Variants in SIT1 observed in about 807,000 individuals in gnomAD.
SIT1 encodes the protein signaling threshold regulating transmembrane adaptor 1.
SIT1 carries 19 observed loss-of-function variants against 23.5 expected under a neutral mutation model. The ratio of observed to expected loss-of-function variants is 0.81; its 90% CI spans 0.56 to 1.19. SIT1 has a LOEUF of 1.19. Among genes scored for constraint, SIT1 ranks in the 50% most tolerant of loss-of-function variants. The pLI is 0.00. For synonymous variants in SIT1, 114 were observed against 109.1 expected (o/e 1.04, Z -0.28); for missense variants, 213 against 254.9 (o/e 0.84, Z 1.12).
chr9:35,649,443 T>A lies in SIT1; in HGVS notation c.*405A>T, dbSNP rs1823437429. 6.0e-6 allele frequency: 1 copy of A among 168,006 alleles called. No individual in the cohort carries two copies. Among genetic ancestry groups the A allele is most frequent in the African/African-American group, 2.4e-5 (1 of 42,098 alleles). 10.4% of individuals were successfully genotyped at this position (168,006 alleles called of 1,614,324 possible). ...TCCAGGTCCACTCCAGTCTGTGGAC[T>A]CCTGAGGAATATACCCACCCACCCA... is the stretch of plus-strand genomic sequence containing the variant. On this transcript the variant is annotated 3_prime_UTR_variant, in exon 5 of 5. Transcript: ENST00000259608.
In SIT1 at chr9:35,649,901, G is replaced by C. The variant is rs1444475903; in HGVS notation, c.538C>G (p.Arg180Gly). Residue 180 changes from arginine (R) to glycine (G), a missense_variant, in exon 5 of 5, where the codon CGG (arginine) becomes GGG (glycine). Physicochemically the swap from Arg to Gly is moderately radical, Grantham distance 125. Coordinates refer to ENST00000259608, the MANE Select transcript of SIT1 (RefSeq NM_014450.3). The part of the protein sequence containing the change: ...ASVCAQTRRA[R>G]ASFPDQAYAN... The stretch of plus-strand genomic sequence containing the variant: ...TAGGCCTGATCCGGGAAGGAGGCCC[G>C]GGCCCTGCGGGTCTGGGCACATACT... 3 of 1,584,016 alleles carry C rather than the reference G, an allele frequency of 1.9e-6. No individual in the cohort carries two copies. Among genetic ancestry groups the C allele is most frequent in the Non-Finnish European group, 8.6e-7 (1 of 1,165,774 alleles).
Position 35,650,060 on chromosome 9 carries a change from A to G in SIT1, c.379T>C (p.Tyr127His). The G allele has an allele frequency of 6.2e-7, 1 of 1,601,530 alleles. No homozygotes were observed. ...PARAAEEVMCYTSLQLRPPQG... is the reference protein window; with the variant it reads ...PARAAEEVMCHTSLQLRPPQG... ...GGAGGCCGCAGCTGCAGGCTGGTATAGCACATCACCTCCTCTGCAGCCTGG... is the reference window on the plus strand; with the variant it reads ...GGAGGCCGCAGCTGCAGGCTGGTATGGCACATCACCTCCTCTGCAGCCTGG... Residue 127 changes from tyrosine to histidine, a missense_variant, in exon 5 of 5, where the codon TAT becomes CAT. By Grantham distance (83) the Tyr-to-His change is moderately conservative. Transcript: ENST00000259608. The surrounding 1 kb of genome is among the most constrained non-coding windows in gnomAD (Gnocchi z 4.8).
Position 35,650,027 on chromosome 9 carries a change from G to A in SIT1, c.412C>T (p.Arg138Trp), listed in dbSNP as rs200583247. The A allele has an allele frequency of 3.0e-5, 48 of 1,587,174 alleles. No individual in the cohort carries two copies. In the East Asian group the frequency reaches 4.1e-4, roughly 14 times the overall value. The change falls in exon 5 of 5, where the codon CGG becomes TGG. Residue 138 changes from arginine to tryptophan, a missense_variant. Arg to Trp is a moderately radical substitution (Grantham distance 101). Transcript: ENST00000259608. This position sits in a 1 kb window ranked among gnomAD's most constrained non-coding sequence, Gnocchi z 4.8. ...TSLQLRPPQG[R>W]IPGPGTPVKY... Reference sequence around the variant, plus strand: ...ACGGGGGTTCCAGGACCGGGGATCCGACCCTGAGGAGGCCGCAGCTGCAGG... The same window carrying A: ...ACGGGGGTTCCAGGACCGGGGATCCAACCCTGAGGAGGCCGCAGCTGCAGG...
chr9:35,650,359 G>A lies in SIT1; in HGVS notation c.293C>T (p.Thr98Ile), dbSNP rs1404843728. ...CCTCCTCTCTGCCAGCTCCCTACCT[G>A]TCTGTAGATAATGCAGGTTCCCATA... The part of the protein sequence containing the change: ...PLYGNLHYLQ[T>I]GRLSQDPEPD... Residue 98 changes from threonine (T) to isoleucine (I), a missense_variant and splice_region_variant, in exon 3 of 5, where the codon ACA (threonine) becomes ATA (isoleucine). Coordinates refer to ENST00000259608, the MANE Select transcript of SIT1 (RefSeq NM_014450.3). This position sits in a 1 kb window ranked among gnomAD's most constrained non-coding sequence, Gnocchi z 4.8. 1.7e-5 allele frequency: 27 copies of A among 1,614,030 alleles called. No homozygotes were observed. The highest frequency in any genetic ancestry group is 2.2e-5 in the Non-Finnish European group (26 of 1,179,980).
Position 35,650,518 on chromosome 9 carries a change from G to GGCTCCT in SIT1, c.214_219dup (p.Arg72_Ser73dup). 1 of 1,613,992 alleles carries GGCTCCT rather than the reference G, an allele frequency of 6.2e-7. No homozygotes were observed. The highest frequency in any genetic ancestry group is 2.2e-5 in the East Asian group (1 of 44,876). ...TTCACCCACCGTCCCTGCCCCGGAT[G>GGCTCCT]GCTCCTGCTCCGGCCCCTGGTCCAC... On this transcript the variant is annotated inframe_insertion, in exon 2 of 5. Coordinates refer to ENST00000259608, the MANE Select transcript of SIT1 (RefSeq NM_014450.3). The surrounding 1 kb of genome is among the most constrained non-coding windows in gnomAD (Gnocchi z 4.8).
At position 35,650,403 on chromosome 9, in the gene SIT1, A is replaced by T. The variant is rs942805994; in HGVS notation, c.249T>A (p.Ser83=). Residue 83 remains serine, a synonymous_variant, in exon 3 of 5, where the codon TCT becomes TCA. Transcript: ENST00000259608. The surrounding 1 kb of genome is among the most constrained non-coding windows in gnomAD (Gnocchi z 4.8). ...TCCCATACAGCGGGACCTCTTCCACAGACTCTCCAGAGCTGCAACGCAGAG... is the reference window on the plus strand; with the variant it reads ...TCCCATACAGCGGGACCTCTTCCACTGACTCTCCAGAGCTGCAACGCAGAG... The part of the protein sequence containing the change: ...SHPGQGRSGE[S]VEEVPLYGNL... 1 of 1,614,020 alleles carries T rather than the reference A, an allele frequency of 6.2e-7. No individual in the cohort carries two copies. Among genetic ancestry groups the T allele is most frequent in the East Asian group, 2.2e-5 (1 of 44,868 alleles).
chr9:35,649,826 C>G lies in SIT1; in HGVS notation c.*22G>C. 1 of 1,479,390 alleles carries G rather than the reference C, an allele frequency of 6.8e-7. No individual in the cohort carries two copies. Among genetic ancestry groups the G allele is most frequent in the Non-Finnish European group, 9.1e-7 (1 of 1,102,710 alleles). 91.6% of individuals were successfully genotyped at this position (1,479,390 alleles called of 1,614,324 possible). Reference sequence around the variant, plus strand: ...ACGGGGGGCTGGGGCAGTGCACGCCCCGCTGTGCCAGGCCCTCCATCTCAG... The same window carrying G: ...ACGGGGGGCTGGGGCAGTGCACGCCGCGCTGTGCCAGGCCCTCCATCTCAG... On this transcript the variant is annotated 3_prime_UTR_variant, in exon 5 of 5. Transcript: ENST00000259608.
chr9:35,650,742 TGCCCA>T lies in SIT1; in HGVS notation c.100+7_100+11del. 6.2e-7 allele frequency: 1 copy of T among 1,610,430 alleles called. No individual in the cohort carries two copies. The highest frequency in any genetic ancestry group is 1.1e-5 in the South Asian group (1 of 90,904). On this transcript the variant is annotated splice_region_variant and intron_variant, in intron 1 of 4. Coordinates refer to ENST00000259608, the MANE Select transcript of SIT1 (RefSeq NM_014450.3). This position sits in a 1 kb window ranked among gnomAD's most constrained non-coding sequence, Gnocchi z 4.8. ...ACCCCTCCCCCACCAGCCCCTGCCCTGCCCAGCTCACCCAGTGCGAGTAGATCCGT... is the reference window on the plus strand; with the variant it reads ...ACCCCTCCCCCACCAGCCCCTGCCCTGCTCACCCAGTGCGAGTAGATCCGT...
Position 35,649,414 on chromosome 9 carries a change from A to C in SIT1, c.*434T>G. On this transcript the variant is annotated 3_prime_UTR_variant, in exon 5 of 5. Coordinates refer to ENST00000259608, the MANE Select transcript of SIT1 (RefSeq NM_014450.3). ...CCAGGCTCGGGTCCCTCCCGTCTCT[A>C]AGTTCCAGGTCCACTCCAGTCTGTG... is the stretch of plus-strand genomic sequence containing the variant. 1 of 159,986 alleles carries C rather than the reference A, an allele frequency of 6.3e-6. No homozygotes were observed. Among genetic ancestry groups the C allele is most frequent in the Non-Finnish European group, 1.4e-5 (1 of 73,654 alleles). The allele number at this position is 159,986 out of a possible 1,614,324, so 9.9% of individuals were successfully genotyped here.
At position 35,650,252 on chromosome 9, in the gene SIT1, C is replaced by T. The variant is rs201074204; in HGVS notation, c.296-7G>A. ...GGGTCTTGAGACAGCCGTCCTGGGA[C>T]GGGGAACAGGAATCTGGTCAGCAAC... On this transcript the variant is annotated splice_region_variant and splice_polypyrimidine_tract_variant and intron_variant, in intron 3 of 4. Transcript: ENST00000259608. The surrounding 1 kb of genome is among the most constrained non-coding windows in gnomAD (Gnocchi z 4.8). 5.0e-4 allele frequency: 801 copies of T among 1,613,092 alleles called. 1 individual carries two copies. The highest frequency in any genetic ancestry group is 3.5e-3 in the Middle Eastern group (21 of 6,054).
rs1202382016 is a variant in SIT1, at chr9:35,650,899, G to A, written c.-46C>T. 23 of 1,416,442 alleles carry A rather than the reference G, an allele frequency of 1.6e-5. No individual in the cohort carries two copies. Among genetic ancestry groups the A allele is most frequent in the Non-Finnish European group, 2.2e-5 (22 of 1,020,082 alleles). The allele number at this position is 1,416,442 out of a possible 1,614,324, so 87.7% of individuals were successfully genotyped here. ...ACTTCTTACTCCCATCCCTCCTCAG[G>A]CCCGTACCCCGCAGCTCAGCATCCC... is the stretch of plus-strand genomic sequence containing the variant. On this transcript the variant is annotated 5_prime_UTR_variant, in exon 1 of 5. Transcript: ENST00000259608. The surrounding 1 kb of genome is among the most constrained non-coding windows in gnomAD (Gnocchi z 4.8).
chr9:35,649,768 G>A lies in SIT1; in HGVS notation c.*80C>T, dbSNP rs1457856163. On this transcript the variant is annotated 3_prime_UTR_variant, in exon 5 of 5. Coordinates refer to ENST00000259608, the MANE Select transcript of SIT1 (RefSeq NM_014450.3). ...TGACTTGGCAATGGCGCCCGTCTTT[G>A]GGTGCTGGTTGGGAAACAGTCATGC... 8 of 1,084,466 alleles carry A rather than the reference G, an allele frequency of 7.4e-6. No homozygotes were observed. The highest frequency in any genetic ancestry group is 9.0e-6 in the Non-Finnish European group (7 of 779,764). The allele number at this position is 1,084,466 out of a possible 1,614,324, so 67.2% of individuals were successfully genotyped here. A position where few individuals can be genotyped will look rare whatever the true frequency, so the allele number is the denominator to read the frequency against.
Position 35,650,442 on chromosome 9 carries a change from T to G in SIT1, c.237-27A>C. On this transcript the variant is annotated intron_variant, in intron 2 of 4. Transcript: ENST00000259608. The surrounding 1 kb of genome is among the most constrained non-coding windows in gnomAD (Gnocchi z 4.8). ...TGCAACGCAGAGTTTAGGGGATGAGTGGGGACTTCTCGGTAAGAGAGAACT... is the reference window on the plus strand; with the variant it reads ...TGCAACGCAGAGTTTAGGGGATGAGGGGGGACTTCTCGGTAAGAGAGAACT... 6.2e-7 allele frequency: 1 copy of G among 1,613,906 alleles called. No homozygotes were observed. Among genetic ancestry groups the G allele is most frequent in the East Asian group, 2.2e-5 (1 of 44,876 alleles).
chr9:35,650,192 G>T lies in SIT1; in HGVS notation c.349C>A (p.Pro117Thr). Residue 117 changes from proline (P) to threonine (T), a missense_variant, in exon 4 of 5, where the codon CCT becomes ACT. By Grantham distance (38) the Pro-to-Thr change is conservative. Coordinates refer to ENST00000259608, the MANE Select transcript of SIT1 (RefSeq NM_014450.3). The surrounding 1 kb of genome is among the most constrained non-coding windows in gnomAD (Gnocchi z 4.8). ...PDQQDPTLGG[P>T]ARAAEEVMCY... ...AGCCACAGTTGACTCACCCTGGCAG[G>T]GCCTCCAAGAGTTGGATCCTGCTGG... The T allele has an allele frequency of 6.2e-7, 1 of 1,613,918 alleles. No individual in the cohort carries two copies.
Position 35,649,898 on chromosome 9 carries a change from C to T in SIT1, c.541G>A (p.Ala181Thr). 6 of 1,584,286 alleles carry T rather than the reference C, an allele frequency of 3.8e-6. No homozygotes were observed. The highest frequency in any genetic ancestry group is 1.8e-5 in the Admixed American group (1 of 54,704). Reference sequence around the variant, plus strand: ...GCATAGGCCTGATCCGGGAAGGAGGCCCGGGCCCTGCGGGTCTGGGCACAT... The same window carrying T: ...GCATAGGCCTGATCCGGGAAGGAGGTCCGGGCCCTGCGGGTCTGGGCACAT... The part of the protein sequence containing the change: ...SVCAQTRRAR[A>T]SFPDQAYANS... The change falls in exon 5 of 5, where the codon GCC becomes ACC. Residue 181 changes from alanine (A) to threonine (T), a missense_variant. Coordinates refer to ENST00000259608, the MANE Select transcript of SIT1 (RefSeq NM_014450.3).
chr9:35,649,732 A>G lies in SIT1; in HGVS notation c.*116T>C. On this transcript the variant is annotated 3_prime_UTR_variant, in exon 5 of 5. Transcript: ENST00000259608. Reference sequence around the variant, plus strand: ...AGCTCAGATAGGAAGTCCGGGGTAGATCACATCCTGTGACTTGGCAATGGC... The same window carrying G: ...AGCTCAGATAGGAAGTCCGGGGTAGGTCACATCCTGTGACTTGGCAATGGC... The G allele has an allele frequency of 1.3e-6, 1 of 748,512 alleles. No individual in the cohort carries two copies. Among genetic ancestry groups the G allele is most frequent in the African/African-American group, 1.8e-5 (1 of 56,794 alleles). 46.4% of individuals were successfully genotyped at this position (748,512 alleles called of 1,614,324 possible).
Position 35,650,907 on chromosome 9 carries a change from C to T in SIT1, c.-54G>A. 1.5e-6 allele frequency: 2 copies of T among 1,357,862 alleles called. No individual in the cohort carries two copies. Among genetic ancestry groups the T allele is most frequent in the Non-Finnish European group, 2.1e-6 (2 of 968,476 alleles). The allele number at this position is 1,357,862 out of a possible 1,614,324, so 84.1% of individuals were successfully genotyped here. A position where few individuals can be genotyped will look rare whatever the true frequency, so the allele number is the denominator to read the frequency against. On this transcript the variant is annotated 5_prime_UTR_variant, in exon 1 of 5. Transcript: ENST00000259608. This position sits in a 1 kb window ranked among gnomAD's most constrained non-coding sequence, Gnocchi z 4.8. Reference sequence around the variant, plus strand: ...CTCCCATCCCTCCTCAGGCCCGTACCCCGCAGCTCAGCATCCCCAATACTG... The same window carrying T: ...CTCCCATCCCTCCTCAGGCCCGTACTCCGCAGCTCAGCATCCCCAATACTG...
In SIT1 at chr9:35,650,902, C is replaced by T. The variant is rs748363109; in HGVS notation, c.-49G>A. The T allele has an allele frequency of 4.8e-5, 67 of 1,393,074 alleles. No individual in the cohort carries two copies. Among genetic ancestry groups the T allele is most frequent in the Admixed American group, 9.7e-5 (5 of 51,424 alleles). The allele number at this position is 1,393,074 out of a possible 1,614,324, so 86.3% of individuals were successfully genotyped here. On this transcript the variant is annotated 5_prime_UTR_variant, in exon 1 of 5. Transcript: ENST00000259608. This position sits in a 1 kb window ranked among gnomAD's most constrained non-coding sequence, Gnocchi z 4.8. Reference sequence around the variant, plus strand: ...TCTTACTCCCATCCCTCCTCAGGCCCGTACCCCGCAGCTCAGCATCCCCAA... The same window carrying T: ...TCTTACTCCCATCCCTCCTCAGGCCTGTACCCCGCAGCTCAGCATCCCCAA...
chr9:35,649,784 A>G lies in SIT1; in HGVS notation c.*64T>C. ...CCCGTCTTTGGGTGCTGGTTGGGAA[A>G]CAGTCATGCCCCTGCTACGGGGGGC... On this transcript the variant is annotated 3_prime_UTR_variant, in exon 5 of 5. Coordinates refer to ENST00000259608, the MANE Select transcript of SIT1 (RefSeq NM_014450.3). The G allele has an allele frequency of 2.4e-6, 3 of 1,241,042 alleles. No homozygotes were observed. Among genetic ancestry groups the G allele is most frequent in the Non-Finnish European group, 3.3e-6 (3 of 918,608 alleles). 76.9% of individuals were successfully genotyped at this position (1,241,042 alleles called of 1,614,324 possible).
Sources: gnomAD v4.1 joint callset for allele counts on GRCh38, gnomAD v4.1.1 for gene constraint, Gnocchi (gnomAD v3.1) non-coding constraint, MANE v1.5 for transcripts, NCBI Gene and HGNC (gene_info 2026-07-23, HGNC 2026-07-21) for gene names.